The following EZH2 variants were observed in gnomAD, a reference collection of about 807,000 sequenced individuals.
EZH2 encodes histone-lysine N-methyltransferase EZH2.
In EZH2, 18 loss-of-function variants were observed where a neutral mutation model predicts 98.4. The ratio of observed to expected loss-of-function variants is 0.18; its 90% CI spans 0.13 to 0.27. EZH2 has a LOEUF of 0.27. EZH2 is among the 10% of genes least tolerant of loss of function. The pLI is 1.00. For missense variants in EZH2, 470 were observed against 935.1 expected, an observed-to-expected ratio of 0.50 and a Z score of 6.49; for synonymous variants, 338 against 312.3, an observed-to-expected ratio of 1.08 and a Z score of -0.87.
At chr7:148,841,148 T>A (rs1812319225) in intron 3 of EZH2, among the ~76,000 whole-genome samples, 1 of 152,154 alleles carries the variant, frequency 6.6e-6, no homozygotes, top group South Asian at 2.1e-4. Flanking sequence ...ATTTAATATA[T>A]GATGCTATAT....
intron 3 of EZH2, among the ~76,000 whole-genome samples, chr7:148,841,419 G>C (rs1028559758): frequency 1.3e-5 from 2 of 152,100 alleles, no homozygotes; most frequent in Non-Finnish European, 2.9e-5. Flanking sequence ...GTTAAAAGAG[G>C]CAAGGAGCTA....
At chr7:148,846,379 T>A in intron 3 of EZH2, 91 bp downstream of exon 3, 1 of 1,419,272 alleles carries the variant, frequency 7.0e-7, no homozygotes, top group Admixed American at 2.1e-5. Context: ...CACCCTGAGG[T>A]CAATGATTTC....
intron 12 of EZH2, 25 bp downstream of exon 12, chr7:148,816,659 C>CT: frequency 1.3e-6 from 2 of 1,578,958 alleles, no homozygotes; most frequent in South Asian, 2.2e-5. Flanking sequence ...GTTGACTTCT[C>CT]TAAGGAGCTT....
At position 148,826,139 on chromosome 7, in the gene EZH2, T is replaced by C. The variant is rs1807627846; in HGVS notation, c.907+315A>G. On this transcript the variant is annotated intron_variant, in intron 8 of 19. Transcript: ENST00000320356. ...AATTTATTCATCAATATCAGCAATG[T>C]TGCTCTGGGCTACCAGTTCATAATA... 2.0e-5 allele frequency among the ~76,000 whole-genome samples: 3 copies of C among 152,174 alleles called. No individual in the cohort carries two copies. The South Asian group carries it at 6.2e-4, about 32-fold the overall frequency.
At chr7:148,831,306 A>G (rs891640248) in intron 4 of EZH2, among the ~76,000 whole-genome samples, 2 of 152,226 alleles carry the variant, frequency 1.3e-5, no homozygotes, top group South Asian at 2.1e-4. Context: ...GCTTATGTAC[A>G]CACTAGAGGC....
At chr7:148,810,922 A>AAAAAAT (rs1421079277) in intron 16 of EZH2, among the ~76,000 whole-genome samples, 2 of 148,802 alleles carry the variant, frequency 1.3e-5, no homozygotes, top group African/African-American at 5.1e-5. Context: ...AAAAAAAAAA[A>AAAAAAT]TTTGGGTGAG....
At chr7:148,838,645 C>A (rs773743499) in intron 3 of EZH2, among the ~76,000 whole-genome samples, 3 of 152,108 alleles carry the variant, frequency 2.0e-5, no homozygotes, top group Admixed American at 6.5e-5. Context: ...TAAAATGGAA[C>A]AGAGAGTATT....
chr7:148,854,183 C>T (rs372297731), intron 1 of EZH2, among the ~76,000 whole-genome samples: 3 of 152,320 alleles, frequency 2.0e-5, no homozygotes, highest in South Asian at 2.1e-4. Context: ...CGGTGGCTCA[C>T]GCCAATAATC....
At chr7:148,809,284 C>T (rs1235880121) in intron 18 of EZH2, 26 bp downstream of exon 18, 2 of 1,596,220 alleles carry the variant, frequency 1.3e-6, no homozygotes, top group Admixed American at 3.3e-5. Context: ...AAAGGGAGTT[C>T]CAATTCTCAC....
chr7:148,815,119 T>G (rs1025352793), intron 13 of EZH2, 80 bp from the exon 14 acceptor site: 3 of 1,516,398 alleles, frequency 2.0e-6, no homozygotes, highest in Non-Finnish European at 2.7e-6. Flanking sequence ...GAGTACATTC[T>G]TCCCTACTAC....
intron 14 of EZH2, among the ~76,000 whole-genome samples, chr7:148,814,418 A>G (rs1169257795): frequency 6.6e-6 from 1 of 152,204 alleles, no homozygotes; most frequent in Non-Finnish European, 1.5e-5. Flanking sequence ...AACAATATCC[A>G]TGGTCCTTGA....
chr7:148,839,072 G>GGAAA (rs2129482499), intron 3 of EZH2, among the ~76,000 whole-genome samples: 1 of 138,158 alleles, frequency 7.2e-6, no homozygotes, highest in Non-Finnish European at 1.6e-5. Flanking sequence ...AAGGAAGGAA[G>GGAAA]GAAGGAAGGA....
intron 1 of EZH2, among the ~76,000 whole-genome samples, chr7:148,848,069 G>C (rs1814632999): frequency 6.6e-6 from 1 of 152,158 alleles, no homozygotes; most frequent in Non-Finnish European, 1.5e-5. Context: ...GTCTAAACAA[G>C]CGTCTTTTCC....
intron 3 of EZH2, among the ~76,000 whole-genome samples, chr7:148,843,244 G>A (rs1812955696): frequency 6.6e-6 from 1 of 151,738 alleles, no homozygotes; most frequent in African/African-American, 2.4e-5. Flanking sequence ...CCGATGTGGT[G>A]GCGTGTGACT....
At chr7:148,812,219 T>C (rs1018273977) in intron 15 of EZH2, among the ~76,000 whole-genome samples, 2 of 152,212 alleles carry the variant, frequency 1.3e-5, no homozygotes, top group South Asian at 2.1e-4. Context: ...CTGAAGCCCA[T>C]AGCAGCTTGG....
At chr7:148,812,103 T>C (rs1424578614) in intron 15 of EZH2, among the ~76,000 whole-genome samples, 2 of 152,178 alleles carry the variant, frequency 1.3e-5, no homozygotes, top group Admixed American at 1.3e-4. Context: ...CAAATCACTC[T>C]TCCTCTCCAT....
chr7:148,871,210 G>T (rs1408281262), intron 1 of EZH2, among the ~76,000 whole-genome samples: 1 of 152,042 alleles, frequency 6.6e-6, no homozygotes, highest in East Asian at 1.9e-4. Context: ...TGGCAAGGAT[G>T]CAGAGACATC....
intron 3 of EZH2, among the ~76,000 whole-genome samples, chr7:148,838,871 G>C (rs1292163097): frequency 6.6e-6 from 1 of 152,106 alleles, no homozygotes; most frequent in Non-Finnish European, 1.5e-5. Context: ...TAGCCAACAT[G>C]GTGAAACCCT....
chr7:148,821,437 A>G (rs1207550812), intron 8 of EZH2, among the ~76,000 whole-genome samples: 1 of 152,216 alleles, frequency 6.6e-6, no homozygotes, highest in African/African-American at 2.4e-5. Flanking sequence ...TAACCCTTAT[A>G]TTTTAAAAAG....
Sources: gnomAD v4.1 joint callset for allele counts (sites outside exome capture counted in the v4.1 genomes callset) on GRCh38, gnomAD v4.1.1 for gene constraint, MANE v1.5 for transcripts, NCBI Gene and HGNC (gene_info 2026-07-23, HGNC 2026-07-21) for gene names.